Variants in FMNL2 observed in about 807,000 individuals in gnomAD.
FMNL2 encodes formin-like protein 2.
Under a neutral mutation model 130.2 loss-of-function variants are expected in FMNL2, and 51 were observed. The ratio of observed to expected loss-of-function variants is 0.39; its 90% CI spans 0.31 to 0.49. FMNL2 has a LOEUF of 0.49. FMNL2 is among the 20% of genes least tolerant of loss of function. FMNL2 has a pLI of 0.85. For synonymous variants in FMNL2, 465 were observed against 467.1 expected, an observed-to-expected ratio of 1.00 and a Z score of 0.06; for missense variants, 977 against 1,316.2, an observed-to-expected ratio of 0.74 and a Z score of 3.99.
intron 1 of FMNL2, among the ~76,000 whole-genome samples, 165 bp downstream of exon 1, chr2:152,335,885 C>G (rs930187944): frequency 2.8e-4 from 42 of 151,742 alleles, no homozygotes; most frequent in African/African-American, 9.2e-4. Context: ...CTCTTCACCC[C>G]CCTGGCAGTC....
intron 1 of FMNL2, among the ~76,000 whole-genome samples, chr2:152,497,726 G>T (rs530219874): frequency 6.6e-6 from 1 of 152,246 alleles, no homozygotes; most frequent in South Asian, 2.1e-4. Flanking sequence ...AAACTTAGTG[G>T]CTTAAAACAA....
chr2:152,555,059 G>T lies in FMNL2; in HGVS notation c.360-3681G>T, dbSNP rs568843332. Among the ~76,000 whole-genome samples the T allele has an allele frequency of 4.4e-4, 67 of 152,286 alleles. 1 individual carries two copies. Among genetic ancestry groups the T allele is most frequent in the Non-Finnish European group, 7.5e-4 (51 of 68,020 alleles). ...GAAGCTGGCCTTTTCCCCCTCCTGA[G>T]TGCACGGAGTGACAAATACAATAAA... is the stretch of plus-strand genomic sequence containing the variant. On this transcript the variant is annotated intron_variant, in intron 4 of 25. Coordinates refer to ENST00000288670, the MANE Select transcript of FMNL2 (RefSeq NM_052905.4).
chr2:152,435,861 C>G (rs1015822848), intron 1 of FMNL2, among the ~76,000 whole-genome samples: 2 of 152,132 alleles, frequency 1.3e-5, no homozygotes, highest in African/African-American at 2.4e-5. Flanking sequence ...TTGACTGTCC[C>G]TTTCTAGAAA....
chr2:152,380,748 A>G (rs941964374), intron 1 of FMNL2, among the ~76,000 whole-genome samples: 3 of 152,194 alleles, frequency 2.0e-5, no homozygotes, highest in African/African-American at 7.2e-5. Context: ...CACCCAGTAT[A>G]GTTGGTTTGC....
At chr2:152,608,763 T>C (rs1260880849) in intron 10 of FMNL2, among the ~76,000 whole-genome samples, 1 of 152,130 alleles carries the variant, frequency 6.6e-6, no homozygotes, top group East Asian at 1.9e-4. Flanking sequence ...GGGGAACTTA[T>C]TCATTCTGTT....
chr2:152,353,409 A>G, intron 1 of FMNL2, among the ~76,000 whole-genome samples: 1 of 152,216 alleles, frequency 6.6e-6, no homozygotes, highest in East Asian at 1.9e-4. Flanking sequence ...TTTAGGTGGT[A>G]AGAGAATCTA....
rs1268092627 is a variant in FMNL2 at position 152,403,960 on chromosome 2, T to G, written c.117+68240T>G. ...GTGAGCCCCTGTAGTCCCAGCTTCT[T>G]GGGAGGCTGAGGCAGGAGAATTGCT... On this transcript the variant is annotated intron_variant, in intron 1 of 25. Coordinates refer to ENST00000288670, the MANE Select transcript of FMNL2 (RefSeq NM_052905.4). Among the ~76,000 whole-genome samples, 3 of 152,168 alleles carry G rather than the reference T, an allele frequency of 2.0e-5. 1 individual carries two copies.
At position 152,407,319 on chromosome 2, in the gene FMNL2, G is replaced by A. The variant is rs142510648; in HGVS notation, c.117+71599G>A. 4.6e-5 allele frequency among the ~76,000 whole-genome samples: 7 copies of A among 152,022 alleles called. No individual in the cohort carries two copies. The East Asian group carries it at 1.4e-3, about 29-fold the overall frequency. ...AATGGAATATGAGGAGTTACTATTAGCAGATGCTATTTGTTTCCCTTTTCA... is the reference window on the plus strand; with the variant it reads ...AATGGAATATGAGGAGTTACTATTAACAGATGCTATTTGTTTCCCTTTTCA... On this transcript the variant is annotated intron_variant, in intron 1 of 25. Coordinates refer to ENST00000288670, the MANE Select transcript of FMNL2 (RefSeq NM_052905.4).
At chr2:152,529,035 AC>A (rs1693553240) in intron 2 of FMNL2, among the ~76,000 whole-genome samples, 1 of 152,202 alleles carries the variant, frequency 6.6e-6, no homozygotes, top group African/African-American at 2.4e-5. Context: ...CTAGCTGAGC[AC>A]CCACGGGGAG....
chr2:152,465,262 C>T (rs1182418945), intron 1 of FMNL2, among the ~76,000 whole-genome samples: 1 of 152,222 alleles, frequency 6.6e-6, no homozygotes, highest in African/African-American at 2.4e-5. Flanking sequence ...TGTGAAGCAG[C>T]CTGGTGTGTT....
At chr2:152,335,806 GTGCC>G in intron 1 of FMNL2, 86 bp downstream of exon 1, 2 of 1,014,494 alleles carry the variant, frequency 2.0e-6, no homozygotes, top group Non-Finnish European at 2.7e-6. Flanking sequence ...CCTTCACCCC[GTGCC>G]GGGAGCGAGC....
At position 152,619,624 on chromosome 2, in the gene FMNL2, T is replaced by C; in HGVS notation, c.1743T>C (p.Thr581=). 1 of 1,381,634 alleles carries C rather than the reference T, an allele frequency of 7.2e-7. No homozygotes were observed. Among genetic ancestry groups the C allele is most frequent in the Non-Finnish European group, 9.6e-7 (1 of 1,038,632 alleles). The allele number at this position is 1,381,634 out of a possible 1,614,324, so 85.6% of individuals were successfully genotyped here. ...PPPLPGPAAE[T]VPAPPLAPPL... is the part of the protein sequence containing the mutation. ...CTCTCCCAGGCCCTGCAGCTGAGACTGTACCAGCTCCTCCCTTAGCACCTC... is the reference window on the plus strand; with the variant it reads ...CTCTCCCAGGCCCTGCAGCTGAGACCGTACCAGCTCCTCCCTTAGCACCTC... The change falls in exon 15 of 26, where the codon ACT becomes ACC. Residue 581 remains threonine, a synonymous_variant. Transcript: ENST00000288670.
At chr2:152,592,705 G>A (rs1481220018) in intron 9 of FMNL2, among the ~76,000 whole-genome samples, 1 of 152,104 alleles carries the variant, frequency 6.6e-6, no homozygotes, top group African/African-American at 2.4e-5. Flanking sequence ...ACCATCTGAG[G>A]TAGGAACATA....
intron 2 of FMNL2, among the ~76,000 whole-genome samples, chr2:152,525,098 AG>A: frequency 6.6e-6 from 1 of 152,200 alleles, no homozygotes; most frequent in East Asian, 1.9e-4. Flanking sequence ...AAGGTCACCC[AG>A]ATAGTGAAAC....
At chr2:152,464,288 G>A (rs1299811461) in intron 1 of FMNL2, among the ~76,000 whole-genome samples, 2 of 152,150 alleles carry the variant, frequency 1.3e-5, no homozygotes, top group Non-Finnish European at 2.9e-5. Flanking sequence ...CTGCTTTTCT[G>A]TGGGTGCCAA....
At chr2:152,636,381 T>A in intron 21 of FMNL2, 46 bp from the exon 22 acceptor site, 1 of 1,572,090 alleles carries the variant, frequency 6.4e-7, no homozygotes, top group Non-Finnish European at 8.7e-7. Flanking sequence ...GCTGTGGTTG[T>A]GACTTCCCCA....
At chr2:152,560,553 A>C (rs1029979271) in intron 5 of FMNL2, among the ~76,000 whole-genome samples, 5 of 152,222 alleles carry the variant, frequency 3.3e-5, no homozygotes, top group African/African-American at 4.8e-5. Context: ...CAGCTGTAAG[A>C]TCTTTTCCCC....
chr2:152,355,981 G>A (rs1682758987), intron 1 of FMNL2, among the ~76,000 whole-genome samples: 1 of 152,134 alleles, frequency 6.6e-6, no homozygotes, highest in African/African-American at 2.4e-5. Context: ...CCCCGAATTG[G>A]CACATCTCAT....
chr2:152,560,260 CTA>C (rs1479154551), intron 5 of FMNL2, among the ~76,000 whole-genome samples: 4 of 151,276 alleles, frequency 2.6e-5, no homozygotes, highest in African/African-American at 9.7e-5. Flanking sequence ...GTTCCTAAAA[CTA>C]TACAAGAGTG....
Sources: allele counts gnomAD v4.1 joint callset (sites outside exome capture counted in the v4.1 genomes callset), GRCh38; gene constraint gnomAD v4.1.1; transcripts MANE v1.5; gene names NCBI Gene and HGNC (gene_info 2026-07-23, HGNC 2026-07-21).